NRXN3: variants seen among roughly 807,000 people sequenced by gnomAD.
The protein encoded by NRXN3 is neurexin III.
A neutral mutation model predicts 137.6 loss-of-function variants in NRXN3; 32 were observed. The observed-to-expected ratio is 0.23, with a 90% CI of 0.18 to 0.31. The LOEUF is 0.31. Ranked by LOEUF, NRXN3 falls within the 10% of genes least tolerant of loss-of-function variation. NRXN3 has a pLI of 1.00. For missense variants in NRXN3, 1,574 were observed against 2,062.5 expected (o/e 0.76, Z 4.59); for synonymous variants, 798 against 784.5 (o/e 1.02, Z -0.29).
chr14:78,515,606 G>A (rs568174334), intron 4 of NRXN3, among the ~76,000 whole-genome samples: 86 of 152,112 alleles, frequency 5.7e-4, no homozygotes, highest in Non-Finnish European at 1.0e-3. Flanking sequence ...CTGTTAAAAA[G>A]TGGGAGATTT....
chr14:78,205,568 A>G (rs1033138530), intron 1 of NRXN3, among the ~76,000 whole-genome samples: 1 of 152,260 alleles, frequency 6.6e-6, no homozygotes, highest in Non-Finnish European at 1.5e-5. Flanking sequence ...GGCTTGGCTT[A>G]GGCCAAGAGG....
chr14:78,477,596 C>G (rs1330779411), intron 4 of NRXN3, among the ~76,000 whole-genome samples: 9 of 152,172 alleles, frequency 5.9e-5, no homozygotes, highest in Admixed American at 5.9e-4. Flanking sequence ...AAATTCCAAA[C>G]TCCCTCAGCC....
chr14:78,493,621 AG>A (rs1237158684), intron 4 of NRXN3, among the ~76,000 whole-genome samples: 1 of 152,122 alleles, frequency 6.6e-6, no homozygotes, highest in Non-Finnish European at 1.5e-5. Context: ...TACCCTCTTT[AG>A]GGGAAAGTTG....
chr14:79,166,042 C>T (rs917109296), intron 15 of NRXN3, among the ~76,000 whole-genome samples: 3 of 152,000 alleles, frequency 2.0e-5, no homozygotes, highest in Non-Finnish European at 2.9e-5. Context: ...AACGCATGCC[C>T]TTCTACAGTT....
chr14:78,468,087 C>T (rs2095166255), intron 4 of NRXN3, among the ~76,000 whole-genome samples: 1 of 152,012 alleles, frequency 6.6e-6, no homozygotes, highest in Admixed American at 6.6e-5. Context: ...CCATGCCTGG[C>T]TAATTTTTGT....
intron 10 of NRXN3, among the ~76,000 whole-genome samples, chr14:78,896,990 G>T (rs1438242554): frequency 6.6e-6 from 1 of 151,844 alleles, no homozygotes; most frequent in Non-Finnish European, 1.5e-5. Flanking sequence ...CCATCCCATT[G>T]TCTGATCTTG....
At chr14:79,394,502 AG>A (rs1371671690) in intron 15 of NRXN3, among the ~76,000 whole-genome samples, 5 of 152,178 alleles carry the variant, frequency 3.3e-5, no homozygotes, top group Non-Finnish European at 7.3e-5. Context: ...ACATTTGTTG[AG>A]GGTCTATTAA....
chr14:79,596,378 A>G (rs1362746294), intron 16 of NRXN3, among the ~76,000 whole-genome samples: 2 of 152,242 alleles, frequency 1.3e-5, no homozygotes, highest in East Asian at 1.9e-4. Flanking sequence ...AGTTTTAGAT[A>G]TTAAAATCAA....
chr14:78,366,724 G>A (rs1018898691), intron 4 of NRXN3, among the ~76,000 whole-genome samples: 1 of 152,170 alleles, frequency 6.6e-6, no homozygotes, highest in South Asian at 2.1e-4. Flanking sequence ...GATCTTGTGA[G>A]ACTTATTCAC....
At chr14:79,105,021 A>G (rs958725340) in intron 15 of NRXN3, among the ~76,000 whole-genome samples, 1 of 152,138 alleles carries the variant, frequency 6.6e-6, no homozygotes, top group Non-Finnish European at 1.5e-5. Context: ...GCCAGAATAC[A>G]CTGAGACTGA....
intron 15 of NRXN3, among the ~76,000 whole-genome samples, chr14:79,300,511 T>C (rs2084952066): frequency 6.6e-6 from 1 of 151,986 alleles, no homozygotes; most frequent in Non-Finnish European, 1.5e-5. Flanking sequence ...CTCACACACA[T>C]ATCTGCCAGT....
At chr14:79,608,353 T>C (rs951967151) in intron 16 of NRXN3, among the ~76,000 whole-genome samples, 1 of 152,202 alleles carries the variant, frequency 6.6e-6, no homozygotes, top group African/African-American at 2.4e-5. Context: ...TAGATTTGGA[T>C]TGGGGACAAA....
intron 15 of NRXN3, among the ~76,000 whole-genome samples, chr14:79,443,623 C>T (rs1432804341): frequency 6.6e-6 from 1 of 152,168 alleles, no homozygotes; most frequent in Non-Finnish European, 1.5e-5. Flanking sequence ...CCAATAGGCT[C>T]ACTTTCCAAA....
At chr14:79,464,539 C>T (rs1165717719) in intron 15 of NRXN3, among the ~76,000 whole-genome samples, 1 of 152,104 alleles carries the variant, frequency 6.6e-6, no homozygotes, top group Non-Finnish European at 1.5e-5. Flanking sequence ...TGGATGAAAA[C>T]TACAAGTAAA....
At chr14:79,742,152 G>T (rs1338408821) in intron 19 of NRXN3, among the ~76,000 whole-genome samples, 1 of 152,076 alleles carries the variant, frequency 6.6e-6, no homozygotes, top group African/African-American at 2.4e-5. Flanking sequence ...AATTCTTTTG[G>T]TTTAGAATGA....
chr14:78,204,947 A>G (rs2062036403), intron 1 of NRXN3, among the ~76,000 whole-genome samples: 1 of 152,184 alleles, frequency 6.6e-6, no homozygotes, highest in South Asian at 2.1e-4. Context: ...ACCATTTCAT[A>G]GGAGGGGCTT....
At chr14:79,195,807 T>C (rs1460605738) in intron 15 of NRXN3, among the ~76,000 whole-genome samples, 1 of 152,238 alleles carries the variant, frequency 6.6e-6, no homozygotes, top group Non-Finnish European at 1.5e-5. Flanking sequence ...CAGATCTATT[T>C]ACTATGGAGA....
At chr14:78,212,618 A>G (rs563166713) in intron 1 of NRXN3, among the ~76,000 whole-genome samples, 1 of 152,344 alleles carries the variant, frequency 6.6e-6, no homozygotes, top group South Asian at 2.1e-4. Context: ...TCAGGGCAAA[A>G]GTGATTTTCA....
At chr14:79,030,398 G>A (rs1049739033) in intron 15 of NRXN3, among the ~76,000 whole-genome samples, 3 of 151,878 alleles carry the variant, frequency 2.0e-5, no homozygotes, top group Non-Finnish European at 2.9e-5. Context: ...CTCAGCAGCC[G>A]AGCATCCTGC....
Sources: allele counts gnomAD v4.1 joint callset (sites outside exome capture counted in the v4.1 genomes callset), GRCh38; gene constraint gnomAD v4.1.1; transcripts MANE v1.5; gene names NCBI Gene and HGNC (gene_info 2026-07-23, HGNC 2026-07-21).